The following PRICKLE1 variants were observed in gnomAD, a reference collection of about 807,000 sequenced individuals.
PRICKLE1 encodes prickle-like protein 1.
In PRICKLE1, 14 loss-of-function variants were observed where a neutral mutation model predicts 70.2. The ratio of observed to expected loss-of-function variants is 0.20; its 90% CI spans 0.13 to 0.31. The LOEUF (loss-of-function observed/expected upper bound fraction) is 0.31. Among genes scored for constraint, PRICKLE1 ranks in the 10% least tolerant of loss-of-function variants. The pLI, the probability that PRICKLE1 is intolerant of heterozygous loss-of-function variation, is 1.00. For synonymous variants in PRICKLE1, 357 were observed against 379.9 expected (o/e 0.94, Z 0.70); for missense variants, 821 against 1,026.2 (o/e 0.80, Z 2.73).
At chr12:42,519,213 T>A (rs1939665422) in intron 1 of PRICKLE1, among the ~76,000 whole-genome samples, 1 of 140,824 alleles carries the variant, frequency 7.1e-6, no homozygotes, top group South Asian at 2.3e-4. Flanking sequence ...TTTTTTTTTT[T>A]GAGATGGTGT....
intron 1 of PRICKLE1, among the ~76,000 whole-genome samples, chr12:42,477,955 C>G (rs1938634523): frequency 7.5e-6 from 1 of 133,136 alleles, no homozygotes; most frequent in Non-Finnish European, 1.6e-5. Context: ...CTGCCCTATA[C>G]TTTTTTTTTT....
At chr12:42,503,313 C>A (rs1355179763) in intron 1 of PRICKLE1, among the ~76,000 whole-genome samples, 3 of 152,112 alleles carry the variant, frequency 2.0e-5, no homozygotes, top group African/African-American at 7.2e-5. Context: ...CATTTCACAC[C>A]TGTTACTTAT....
chr12:42,522,263 A>G (rs1939724559), intron 1 of PRICKLE1, among the ~76,000 whole-genome samples: 2 of 152,014 alleles, frequency 1.3e-5, no homozygotes, highest in South Asian at 4.1e-4. Flanking sequence ...GGTGTGAGCT[A>G]CCATACCTGG....
At chr12:42,511,114 A>G (rs1404524818) in intron 1 of PRICKLE1, among the ~76,000 whole-genome samples, 2 of 152,204 alleles carry the variant, frequency 1.3e-5, no homozygotes, top group Non-Finnish European at 2.9e-5. Context: ...TCCCACAATA[A>G]AACCAGCCAG....
rs78487101 is a variant in PRICKLE1 at position 42,517,712 on chromosome 12, G to C, written c.-48-45148C>G. On this transcript the variant is annotated intron_variant, in intron 1 of 7. Transcript: ENST00000345127. ...TGTACCAGCCTTATTGCCTCCTCCT[G>C]GCTTTAAGGACACCCTACAACCCTT... Among the ~76,000 whole-genome samples the C allele has an allele frequency of 7.8e-3, 1,182 of 152,060 alleles. 36 individuals carry two copies. The East Asian group carries it at 0.091, about 12-fold the overall frequency.
intron 1 of PRICKLE1, among the ~76,000 whole-genome samples, chr12:42,544,097 G>A (rs966549920): frequency 7.9e-5 from 12 of 152,110 alleles, no homozygotes; most frequent in African/African-American, 2.4e-4. Context: ...ACTATCTCAG[G>A]GGTGGCAGAG....
chr12:42,475,422 C>T (rs1938483917), intron 1 of PRICKLE1, among the ~76,000 whole-genome samples: 1 of 152,136 alleles, frequency 6.6e-6, no homozygotes, highest in Admixed American at 6.5e-5. Context: ...GAGCAATGTC[C>T]CTCAGGGTCA....
intron 1 of PRICKLE1, among the ~76,000 whole-genome samples, chr12:42,509,608 G>T (rs1445850041): frequency 6.6e-6 from 1 of 152,076 alleles, no homozygotes; most frequent in East Asian, 1.9e-4. Flanking sequence ...ACTGGACAAA[G>T]GTTTGTTGAG....
intron 1 of PRICKLE1, among the ~76,000 whole-genome samples, chr12:42,491,878 G>C (rs1939111413): frequency 6.6e-6 from 1 of 150,540 alleles, no homozygotes; most frequent in Non-Finnish European, 1.5e-5. Flanking sequence ...CACTTCCCCG[G>C]GTTCAAGTGA....
chr12:42,524,309 A>G (rs1939763083), intron 1 of PRICKLE1, among the ~76,000 whole-genome samples: 1 of 152,226 alleles, frequency 6.6e-6, no homozygotes, highest in Non-Finnish European at 1.5e-5. Context: ...CTACTAATCC[A>G]ATGGTAGATT....
At chr12:42,552,132 C>A (rs1458519292) in intron 1 of PRICKLE1, among the ~76,000 whole-genome samples, 2 of 148,986 alleles carry the variant, frequency 1.3e-5, no homozygotes, top group Non-Finnish European at 3.0e-5. Flanking sequence ...AGTTATGCAA[C>A]CTCGGCTCAC....
At chr12:42,484,888 C>T (rs1938945253) in intron 1 of PRICKLE1, among the ~76,000 whole-genome samples, 1 of 152,128 alleles carries the variant, frequency 6.6e-6, no homozygotes, top group Non-Finnish European at 1.5e-5. Flanking sequence ...TTTTAGTTTC[C>T]ACTATAGCCT....
chr12:42,537,828 G>C (rs181352289), intron 1 of PRICKLE1, among the ~76,000 whole-genome samples: 1 of 152,312 alleles, frequency 6.6e-6, no homozygotes, highest in Admixed American at 6.5e-5. Flanking sequence ...TCCATCTCAG[G>C]ACTCACTTGT....
intron 1 of PRICKLE1, among the ~76,000 whole-genome samples, chr12:42,481,936 C>T (rs900557074): frequency 2.6e-5 from 4 of 152,218 alleles, no homozygotes; most frequent in African/African-American, 9.6e-5. Flanking sequence ...TTCAATTTCA[C>T]TTATTTGAAA....
At chr12:42,474,708 A>C (rs1451729120) in intron 1 of PRICKLE1, among the ~76,000 whole-genome samples, 1 of 152,244 alleles carries the variant, frequency 6.6e-6, no homozygotes, top group Non-Finnish European at 1.5e-5. Flanking sequence ...CCAGAGGTTA[A>C]GAATTTAATT....
Position 42,459,804 on chromosome 12 carries a change from C to A in PRICKLE1, c.*5G>T, listed in dbSNP as rs1352321357. On this transcript the variant is annotated 3_prime_UTR_variant, in exon 8 of 8. Coordinates refer to ENST00000345127, the MANE Select transcript of PRICKLE1 (RefSeq NM_153026.3). Reference sequence around the variant, plus strand: ...TTTAAACAAATGCTCTGCATCACTACTTGGTTAAGAAATAATACAATTTTT... The same window carrying A: ...TTTAAACAAATGCTCTGCATCACTAATTGGTTAAGAAATAATACAATTTTT... 1.9e-6 allele frequency: 3 copies of A among 1,614,128 alleles called. No homozygotes were observed. The Admixed American group carries it at 5.0e-5, about 27-fold the overall frequency.
At chr12:42,554,590 G>A (rs1238891164) in intron 1 of PRICKLE1, among the ~76,000 whole-genome samples, 1 of 152,118 alleles carries the variant, frequency 6.6e-6, no homozygotes, top group Non-Finnish European at 1.5e-5. Flanking sequence ...CTCAAAGGGC[G>A]AACTGGAAAC....
At chr12:42,467,261 T>C (rs973775451) in intron 5 of PRICKLE1, among the ~76,000 whole-genome samples, 7 of 151,504 alleles carry the variant, frequency 4.6e-5, no homozygotes, top group African/African-American at 1.7e-4. Context: ...GGACTAAAGG[T>C]GCATGCCACC....
intron 1 of PRICKLE1, among the ~76,000 whole-genome samples, chr12:42,479,323 C>T (rs1052180328): frequency 6.6e-6 from 1 of 152,234 alleles, no homozygotes; most frequent in African/African-American, 2.4e-5. Context: ...TATTGACCAA[C>T]GTTTCCAGCT....
Sources: allele counts gnomAD v4.1 joint callset (sites outside exome capture counted in the v4.1 genomes callset), GRCh38; gene constraint gnomAD v4.1.1; transcripts MANE v1.5; gene names NCBI Gene and HGNC (gene_info 2026-07-23, HGNC 2026-07-21).